EFNA5: variants seen among roughly 807,000 people sequenced by gnomAD.
EFNA5 encodes the protein ephrin-A5.
EFNA5 carries 5 observed loss-of-function variants against 22.9 expected under a neutral mutation model. The ratio of observed to expected loss-of-function variants is 0.22; its 90% CI spans 0.11 to 0.46. The LOEUF is 0.46. EFNA5 is among the 20% of genes least tolerant of loss of function. The pLI is 0.99. For missense variants in EFNA5, 237 were observed against 293.3 expected (o/e 0.81, Z 1.40); for synonymous variants, 113 against 112.2 (o/e 1.01, Z -0.04).
At chr5:107,580,737 A>AAAAG (rs1561439444) in intron 1 of EFNA5, among the ~76,000 whole-genome samples, 8 of 144,222 alleles carry the variant, frequency 5.5e-5, no homozygotes, top group African/African-American at 2.1e-4. Flanking sequence ...AAAAAAAAAA[A>AAAAG]AAAGAAAAGA....
chr5:107,610,229 C>G (rs538479563), intron 1 of EFNA5, among the ~76,000 whole-genome samples: 8 of 152,204 alleles, frequency 5.3e-5, no homozygotes, highest in Non-Finnish European at 1.2e-4. Context: ...CACTTCTTTA[C>G]GCATCTATAA....
chr5:107,629,968 A>G (rs1750214665), intron 1 of EFNA5, among the ~76,000 whole-genome samples: 1 of 151,902 alleles, frequency 6.6e-6, no homozygotes, highest in Admixed American at 6.6e-5. Context: ...AGGCGGGAGA[A>G]TCTCTTGAAC....
intron 1 of EFNA5, among the ~76,000 whole-genome samples, chr5:107,472,844 T>A (rs941587681): frequency 6.6e-6 from 1 of 152,226 alleles, no homozygotes; most frequent in African/African-American, 2.4e-5. Flanking sequence ...GGCTCAGTCA[T>A]CTGAGTGTAC....
chr5:107,630,272 T>C (rs985248084), intron 1 of EFNA5, among the ~76,000 whole-genome samples: 11 of 152,260 alleles, frequency 7.2e-5, no homozygotes, highest in African/African-American at 2.4e-4. Context: ...TGAGAAATCA[T>C]TAGGTGATTT....
intron 1 of EFNA5, among the ~76,000 whole-genome samples, chr5:107,504,728 T>C (rs1206804553): frequency 6.6e-6 from 1 of 152,214 alleles, no homozygotes; most frequent in African/African-American, 2.4e-5. Flanking sequence ...AAAAGTGTTG[T>C]CGAAGCCTAT....
intron 1 of EFNA5, among the ~76,000 whole-genome samples, chr5:107,482,638 T>C (rs974865130): frequency 6.6e-6 from 1 of 152,028 alleles, no homozygotes; most frequent in Admixed American, 6.6e-5. Context: ...CGTGATATCA[T>C]TTGCGCAATG....
intron 1 of EFNA5, among the ~76,000 whole-genome samples, chr5:107,541,808 G>A (rs1748054947): frequency 6.6e-6 from 1 of 152,198 alleles, no homozygotes; most frequent in Non-Finnish European, 1.5e-5. Flanking sequence ...TCACATGTGG[G>A]AAATTTTCCT....
At chr5:107,438,121 C>T (rs975419260) in intron 1 of EFNA5, among the ~76,000 whole-genome samples, 2 of 152,218 alleles carry the variant, frequency 1.3e-5, no homozygotes, top group African/African-American at 4.8e-5. Context: ...TTAGCCAAAG[C>T]TGCTCTGTAA....
intron 1 of EFNA5, among the ~76,000 whole-genome samples, chr5:107,666,848 C>T (rs980676393): frequency 6.6e-6 from 1 of 152,046 alleles, no homozygotes; most frequent in African/African-American, 2.4e-5. Context: ...CACCAAACTG[C>T]TTATGGCATA....
intron 1 of EFNA5, among the ~76,000 whole-genome samples, chr5:107,469,560 G>A (rs1288754792): frequency 6.6e-6 from 1 of 152,060 alleles, no homozygotes; most frequent in Admixed American, 6.6e-5. Flanking sequence ...ACCACCTTCT[G>A]ACTGACCTTG....
At chr5:107,655,412 G>A (rs1474654810) in intron 1 of EFNA5, among the ~76,000 whole-genome samples, 4 of 152,120 alleles carry the variant, frequency 2.6e-5, no homozygotes, top group Admixed American at 2.6e-4. Flanking sequence ...ATATTAAAAT[G>A]CTGTACTTTT....
Position 107,544,875 on chromosome 5 carries a change from A to T in EFNA5, c.126-117366T>A, listed in dbSNP as rs1748116220. Among the ~76,000 whole-genome samples, 4 of 152,194 alleles carry T rather than the reference A, an allele frequency of 2.6e-5. No individual in the cohort carries two copies. The South Asian group carries it at 8.3e-4, about 31-fold the overall frequency. ...GAAAAAAATTAAGTAACTTTCTCAG[A>T]TATGTGATAAACAAACTCCAAAAAA... On this transcript the variant is annotated intron_variant, in intron 1 of 4. Transcript: ENST00000333274.
intron 1 of EFNA5, among the ~76,000 whole-genome samples, chr5:107,565,034 T>C (rs164849): frequency 0.02 from 3,008 of 152,236 alleles, 50 homozygotes; most frequent in Non-Finnish European, 0.029. Flanking sequence ...ACCAATAATA[T>C]GATATCATTC....
At chr5:107,614,733 T>C (rs1170887054) in intron 1 of EFNA5, among the ~76,000 whole-genome samples, 1 of 152,112 alleles carries the variant, frequency 6.6e-6, no homozygotes, top group Non-Finnish European at 1.5e-5. Flanking sequence ...CTCTCAAAAA[T>C]CCAGAAGGAA....
chr5:107,579,388 T>C (rs1459346519), intron 1 of EFNA5, among the ~76,000 whole-genome samples: 1 of 152,210 alleles, frequency 6.6e-6, no homozygotes, highest in Non-Finnish European at 1.5e-5. Flanking sequence ...TAATCATTAC[T>C]ACTGTTTGAA....
chr5:107,640,036 T>C (rs959379969), intron 1 of EFNA5, among the ~76,000 whole-genome samples: 7 of 152,134 alleles, frequency 4.6e-5, no homozygotes, highest in African/African-American at 1.4e-4. Context: ...TATTTGAAAA[T>C]AGGAGGTTTG....
chr5:107,537,969 C>G lies in EFNA5; in HGVS notation c.126-110460G>C, dbSNP rs1157329157. Among the ~76,000 whole-genome samples, 52 of 152,090 alleles carry G rather than the reference C, an allele frequency of 3.4e-4. 1 individual carries two copies. Among genetic ancestry groups the G allele is most frequent in the Non-Finnish European group, 3.4e-4 (23 of 68,028 alleles). On this transcript the variant is annotated intron_variant, in intron 1 of 4. Transcript: ENST00000333274. ...ATGATGGAGGTGAGTCAGCTGTCCT[C>G]CAGGGCTGAAGAAAAGGGGTATATT...
chr5:107,449,298 C>T (rs1749485788), intron 1 of EFNA5, among the ~76,000 whole-genome samples: 1 of 151,262 alleles, frequency 6.6e-6, no homozygotes, highest in African/African-American at 2.4e-5. Context: ...CGCCTAGAGG[C>T]ACAAGGAGGT....
At chr5:107,450,176 G>A (rs1463923125) in intron 1 of EFNA5, among the ~76,000 whole-genome samples, 2 of 152,118 alleles carry the variant, frequency 1.3e-5, no homozygotes, top group African/African-American at 4.8e-5. Flanking sequence ...GAGAGGGAAC[G>A]GGATATGCCA....
Sources: allele counts gnomAD v4.1 joint callset (sites outside exome capture counted in the v4.1 genomes callset), GRCh38; gene constraint gnomAD v4.1.1; transcripts MANE v1.5; gene names NCBI Gene and HGNC (gene_info 2026-07-23, HGNC 2026-07-21).